MYCBP2: variants seen among roughly 807,000 people sequenced by gnomAD.
MYCBP2 encodes E3 ubiquitin-protein ligase MYCBP2.
Under a neutral mutation model 525.3 loss-of-function variants are expected in MYCBP2, and 120 were observed. The ratio of observed to expected loss-of-function variants is 0.23; its 90% confidence interval spans 0.20 to 0.27. MYCBP2 has a LOEUF of 0.27. Ranked by LOEUF, MYCBP2 falls within the 10% of genes least tolerant of loss-of-function variation. The pLI is 1.00. For synonymous variants in MYCBP2, 1,894 were observed against 1,955.8 expected (o/e 0.97, Z 0.83); for missense variants, 4,149 against 5,657.1 (o/e 0.73, Z 8.55).
chr13:77,111,917 T>A (rs193280209), intron 55 of MYCBP2, among the ~76,000 whole-genome samples: 14 of 152,294 alleles, frequency 9.2e-5, no homozygotes, highest in Admixed American at 9.2e-4. Context: ...AGACCCTTCA[T>A]GATCCAGCCC....
In MYCBP2 at chr13:77,261,218, C is replaced by T. The variant is rs773627592; in HGVS notation, c.1805G>A (p.Ser602Asn). 8.7e-6 allele frequency: 14 copies of T among 1,613,410 alleles called. No homozygotes were observed. Among genetic ancestry groups the T allele is most frequent in the Admixed American group, 6.7e-5 (4 of 59,936 alleles). The stretch of plus-strand genomic sequence containing the variant: ...ACTAGCAGATCCTGTAAAGAATATG[C>T]TCCCATCTTCTGCAACTAAAAGGGC... The part of the protein sequence containing the change: ...SHALLVAEDG[S>N]IFFTGSASKG... The change falls in exon 12 of 83, where the codon AGC becomes AAC. Residue 602 changes from serine to asparagine, a missense_variant. Physicochemically the swap from Ser to Asn is conservative, Grantham distance 46 (BLOSUM62 1). Around this residue, in one of 21 missense-constraint regions of MYCBP2, gnomAD observed 262 missense variants for 419.3 expected, o/e 0.62. Coordinates refer to ENST00000544440, the MANE Select transcript of MYCBP2 (RefSeq NM_015057.5).
At chr13:77,259,233 C>A (rs1377923676) in intron 13 of MYCBP2, among the ~76,000 whole-genome samples, 1 of 152,028 alleles carries the variant, frequency 6.6e-6, no homozygotes, top group Non-Finnish European at 1.5e-5. Context: ...CCACTGCACT[C>A]CAGCCTGGGA....
chr13:77,056,103 TGTG>T (rs2037944995), intron 79 of MYCBP2, among the ~76,000 whole-genome samples: 3 of 66,628 alleles, frequency 4.5e-5, no homozygotes, highest in African/African-American at 1.8e-4. Context: ...GTGTTTGGTG[TGTG>T]TGTGTGTGTG....
chr13:77,243,089 T>A lies in MYCBP2; in HGVS notation c.2599A>T (p.Ile867Phe). 1.2e-6 allele frequency: 2 copies of A among 1,614,132 alleles called. No individual in the cohort carries two copies. The highest frequency in any genetic ancestry group is 1.1e-5 in the South Asian group (1 of 91,082). The change falls in exon 17 of 83, where the codon ATC becomes TTC. Residue 867 changes from isoleucine to phenylalanine, a missense_variant. Around this residue, in one of 21 missense-constraint regions of MYCBP2, gnomAD observed 620 missense variants for 795.5 expected, o/e 0.78. Transcript: ENST00000544440. ...LRQEEKRQRV[I>F]RRHRLEEGRG... ...CCTTCCTCTAATCTGTGCCTTCTGA[T>A]TACACGTTGCCGTTTTTCTTCTTGT...
chr13:77,265,809 G>A (rs759948481), intron 8 of MYCBP2, among the ~76,000 whole-genome samples: 3 of 152,128 alleles, frequency 2.0e-5, no homozygotes, highest in Admixed American at 6.6e-5. Context: ...CTTCTGCCAC[G>A]TGATTTCAAG....
intron 1 of MYCBP2, among the ~76,000 whole-genome samples, chr13:77,297,312 T>G (rs1027246480): frequency 6.6e-5 from 10 of 152,242 alleles, no homozygotes; most frequent in Non-Finnish European, 1.5e-4. Flanking sequence ...ATATGTTTTA[T>G]GTTCACCATG....
chr13:77,253,247 G>A (rs1281233430), intron 14 of MYCBP2, among the ~76,000 whole-genome samples: 2 of 151,614 alleles, frequency 1.3e-5, no homozygotes, highest in Non-Finnish European at 3.0e-5. Context: ...AAAAGTGAGA[G>A]AACCAGCAAT....
chr13:77,109,583 G>A (rs1353510826), intron 55 of MYCBP2: 1 of 152,190 alleles, frequency 6.6e-6, no homozygotes, highest in Non-Finnish European at 1.5e-5. Context: ...ATGTGGTTGA[G>A]GGATTTAAAC....
chr13:77,093,426 T>A, intron 58 of MYCBP2, 94 bp from the exon 59 acceptor site: 1 of 1,066,796 alleles, frequency 9.4e-7, no homozygotes, highest in Non-Finnish European at 1.4e-6. Context: ...GCAGCACATG[T>A]AAATCATAGT....
rs577100366 is a variant in MYCBP2 at position 77,208,225 on chromosome 13, G to A, written c.3417-1400C>T. Among the ~76,000 whole-genome samples the A allele has an allele frequency of 2.0e-5, 3 of 152,244 alleles. No individual in the cohort carries two copies. In the East Asian group the frequency reaches 5.8e-4, roughly 29 times the overall value. ...AGAAAAAGTACAGGGCACAGATCCTGCTGTGGCTTGTCTTTTCTTCCCAGG... is the reference window on the plus strand; with the variant it reads ...AGAAAAAGTACAGGGCACAGATCCTACTGTGGCTTGTCTTTTCTTCCCAGG... On this transcript the variant is annotated intron_variant, in intron 23 of 82. Coordinates refer to ENST00000544440, the MANE Select transcript of MYCBP2 (RefSeq NM_015057.5).
intron 13 of MYCBP2, among the ~76,000 whole-genome samples, chr13:77,260,144 T>A (rs1021639247): frequency 7.2e-5 from 11 of 152,180 alleles, no homozygotes; most frequent in African/African-American, 2.7e-4. Context: ...CAGGGACATG[T>A]CCCATAAGCA....
intron 1 of MYCBP2, among the ~76,000 whole-genome samples, chr13:77,322,409 T>C (rs2081779382): frequency 6.6e-6 from 1 of 152,334 alleles, no homozygotes; most frequent in East Asian, 1.9e-4. Context: ...CAGTTCCCTC[T>C]TGGCATCACT....
chr13:77,113,058 T>C (rs1566576420), intron 55 of MYCBP2, among the ~76,000 whole-genome samples: 2 of 152,176 alleles, frequency 1.3e-5, no homozygotes, highest in Non-Finnish European at 2.9e-5. Context: ...GAACAGTGCT[T>C]AGTACACTGC....
intron 3 of MYCBP2, among the ~76,000 whole-genome samples, chr13:77,286,046 G>T (rs2076724017): frequency 6.6e-6 from 1 of 152,176 alleles, no homozygotes; most frequent in Admixed American, 6.5e-5. Context: ...AAGAAGCTGA[G>T]TAAGTTCACA....
rs1242038206 is a variant in MYCBP2, at chr13:77,081,755, T to C, written c.11193+82A>G. 5 of 1,537,118 alleles carry C rather than the reference T, an allele frequency of 3.3e-6. No homozygotes were observed. In the African/African-American group the frequency reaches 4.1e-5, roughly 13 times the overall value. On this transcript the variant is annotated intron_variant, in intron 64 of 82. Transcript: ENST00000544440. The surrounding 1 kb of genome is among the most constrained non-coding windows in gnomAD (Gnocchi z 4.6). ...AAACATAATGGAAGACAGGATCAAATTGATTATGAATAACTTACAGTTTCT... is the reference window on the plus strand; with the variant it reads ...AAACATAATGGAAGACAGGATCAAACTGATTATGAATAACTTACAGTTTCT...
At chr13:77,275,841 G>A (rs2075490200) in intron 4 of MYCBP2, among the ~76,000 whole-genome samples, 2 of 151,956 alleles carry the variant, frequency 1.3e-5, no homozygotes, top group South Asian at 4.1e-4. Flanking sequence ...AAAATTAGCC[G>A]GGCATTGTGG....
intron 21 of MYCBP2, among the ~76,000 whole-genome samples, chr13:77,213,469 C>T (rs2064329528): frequency 1.3e-5 from 2 of 151,642 alleles, no homozygotes; most frequent in South Asian, 2.1e-4. Flanking sequence ...CAGAGTGAGG[C>T]TCTGTCTCAA....
intron 18 of MYCBP2, 90 bp from the exon 19 acceptor site, chr13:77,225,644 G>C (rs897009258): frequency 6.7e-7 from 1 of 1,492,668 alleles, no homozygotes; most frequent in Non-Finnish European, 9.1e-7. Context: ...AAGAACAAGA[G>C]AAAAATGTTA....
At chr13:77,164,658 G>A in intron 42 of MYCBP2, 117 bp from the exon 43 acceptor site, 1 of 692,634 alleles carries the variant, frequency 1.4e-6, no homozygotes, top group East Asian at 2.7e-5. Context: ...AGCACGTGAA[G>A]CTAATGGTTA....
Sources: allele counts gnomAD v4.1 joint callset (sites outside exome capture counted in the v4.1 genomes callset), GRCh38; gene constraint gnomAD v4.1.1; regional missense constraint gnomAD v4.1.1; non-coding constraint Gnocchi (gnomAD v3.1); transcripts MANE v1.5; gene names NCBI Gene and HGNC (gene_info 2026-07-23, HGNC 2026-07-21).